BACE2: variants seen among roughly 807,000 people sequenced by gnomAD.
BACE2 encodes 56 kDa aspartic-like protease.
Under a neutral mutation model 46.2 loss-of-function variants are expected in BACE2, and 17 were observed. The observed-to-expected ratio is 0.37, with a 90% CI of 0.25 to 0.55. The LOEUF (loss-of-function observed/expected upper bound fraction) is 0.55, where lower values mean the gene tolerates loss of function less well. Ranked by LOEUF, BACE2 falls within the 20% of genes least tolerant of loss-of-function variation. BACE2 has a pLI of 0.82. For missense variants in BACE2, 595 were observed against 698.1 expected (o/e 0.85, Z 1.66); for synonymous variants, 277 against 295.9 (o/e 0.94, Z 0.66).
intron 2 of BACE2, among the ~76,000 whole-genome samples, chr21:41,230,541 C>G (rs747586715): frequency 1.3e-5 from 2 of 152,194 alleles, no homozygotes; most frequent in Non-Finnish European, 2.9e-5. Context: ...GCTCTCTGCC[C>G]TGTGATGTGT....
intron 5 of BACE2, among the ~76,000 whole-genome samples, chr21:41,245,376 G>C (rs141751364): frequency 3.7e-4 from 56 of 152,310 alleles, no homozygotes; most frequent in African/African-American, 1.3e-3. Context: ...GTTGGCCACT[G>C]GTGTCCATTC....
intron 1 of BACE2, among the ~76,000 whole-genome samples, chr21:41,221,596 A>G (rs747430572): frequency 3.9e-5 from 6 of 152,174 alleles, no homozygotes; most frequent in Non-Finnish European, 7.4e-5. Flanking sequence ...GAGGCCGCAG[A>G]GGGTGGATCA....
chr21:41,269,928 A>G (rs1236712231), intron 8 of BACE2, among the ~76,000 whole-genome samples: 1 of 152,220 alleles, frequency 6.6e-6, no homozygotes, highest in Non-Finnish European at 1.5e-5. Flanking sequence ...CTCATTTTCA[A>G]AGTTGGCTTT....
At chr21:41,214,521 T>A (rs1986396707) in intron 1 of BACE2, among the ~76,000 whole-genome samples, 1 of 152,194 alleles carries the variant, frequency 6.6e-6, no homozygotes, top group African/African-American at 2.4e-5. Context: ...GGCATAGAAT[T>A]TTCACACATC....
At chr21:41,216,176 C>T (rs542892116) in intron 1 of BACE2, among the ~76,000 whole-genome samples, 102 of 152,236 alleles carry the variant, frequency 6.7e-4, no homozygotes, top group Middle Eastern at 6.8e-3. Flanking sequence ...GAATTCAACA[C>T]GAGAAAGGTC....
At chr21:41,172,441 T>G (rs778560053) in intron 1 of BACE2, among the ~76,000 whole-genome samples, 39 of 152,176 alleles carry the variant, frequency 2.6e-4, no homozygotes, top group Non-Finnish European at 5.0e-4. Flanking sequence ...CTGGAAAATG[T>G]GCACAACAAT....
intron 1 of BACE2, among the ~76,000 whole-genome samples, chr21:41,188,063 G>C (rs1985440165): frequency 6.6e-6 from 1 of 152,182 alleles, no homozygotes; most frequent in South Asian, 2.1e-4. Context: ...CGTACATTTT[G>C]GTTTAACCCT....
rs1044893194 is a variant in BACE2 at position 41,277,320 on chromosome 21, C to T, written c.*1696C>T. Reference sequence around the variant, plus strand: ...GAAGACTCTCCAGCAGCCAGAAGAACCTTCTGTGCTGTTTTCACTAGAGAA... The same window carrying T: ...GAAGACTCTCCAGCAGCCAGAAGAATCTTCTGTGCTGTTTTCACTAGAGAA... On this transcript the variant is annotated 3_prime_UTR_variant, in exon 9 of 9. Coordinates refer to ENST00000330333, the MANE Select transcript of BACE2 (RefSeq NM_012105.5). The T allele has an allele frequency of 6.6e-6, 1 of 152,114 alleles. No individual in the cohort carries two copies. The highest frequency in any genetic ancestry group is 1.5e-5 in the Non-Finnish European group (1 of 68,038). 9.4% of individuals were successfully genotyped at this position (152,114 alleles called of 1,614,324 possible). A position where few individuals can be genotyped will look rare whatever the true frequency, so the allele number is the denominator to read the frequency against.
chr21:41,174,290 G>A (rs1232217989), intron 1 of BACE2, among the ~76,000 whole-genome samples: 1 of 151,824 alleles, frequency 6.6e-6, no homozygotes, highest in East Asian at 1.9e-4. Context: ...CTACAGGTGT[G>A]TGCCACGACA....
At position 41,201,596 on chromosome 21, in the gene BACE2, A is replaced by G. The variant is rs369892081; in HGVS notation, c.313-24670A>G. 7.9e-5 allele frequency among the ~76,000 whole-genome samples: 12 copies of G among 152,328 alleles called. No individual in the cohort carries two copies. The East Asian group carries it at 1.9e-3, about 25-fold the overall frequency. On this transcript the variant is annotated intron_variant, in intron 1 of 8. Transcript: ENST00000330333. The stretch of plus-strand genomic sequence containing the variant: ...AAACCTGGCAGGCTCCTCAGGGGAG[A>G]GAAGGTTTAAGATGGAGCAGCCAGC...
intron 2 of BACE2, chr21:41,230,006 G>C (rs1301678305): frequency 6.6e-6 from 1 of 152,244 alleles, no homozygotes; most frequent in Non-Finnish European, 1.5e-5. Context: ...CCCCTCAATG[G>C]TTGGTTTCAC....
At chr21:41,265,978 T>C (rs1201911972) in intron 8 of BACE2, among the ~76,000 whole-genome samples, 1 of 152,204 alleles carries the variant, frequency 6.6e-6, no homozygotes, top group Non-Finnish European at 1.5e-5. Flanking sequence ...CCCATTGTTA[T>C]AACATTTATC....
At position 41,170,369 on chromosome 21, in the gene BACE2, A is replaced by G. The variant is rs373624605; in HGVS notation, c.312+1794A>G. ...CGTAGCCAAGGCAGTAGTTGGTTCA[A>G]GATTACTTCTCAACCATTAGCATGT... On this transcript the variant is annotated intron_variant, in intron 1 of 8. Coordinates refer to ENST00000330333, the MANE Select transcript of BACE2 (RefSeq NM_012105.5). Among the ~76,000 whole-genome samples the G allele has an allele frequency of 3.6e-4, 55 of 152,322 alleles. No homozygotes were observed. The South Asian group carries it at 0.01, about 28-fold the overall frequency.
chr21:41,188,182 G>A (rs1002893128), intron 1 of BACE2, among the ~76,000 whole-genome samples: 8 of 152,130 alleles, frequency 5.3e-5, no homozygotes, highest in African/African-American at 1.9e-4. Flanking sequence ...TGTGGGCCGT[G>A]TTTATAGAGA....
At chr21:41,170,374 A>ACTTCT (rs1215209281) in intron 1 of BACE2, among the ~76,000 whole-genome samples, 1 of 152,210 alleles carries the variant, frequency 6.6e-6, no homozygotes, top group African/African-American at 2.4e-5. Flanking sequence ...GTTCAAGATT[A>ACTTCT]CTTCTCAACC....
chr21:41,248,849 C>T (rs956445035), intron 6 of BACE2, among the ~76,000 whole-genome samples: 3 of 152,164 alleles, frequency 2.0e-5, no homozygotes, highest in Non-Finnish European at 4.4e-5. Flanking sequence ...GTCTTGGCAG[C>T]GTTCTGTCCC....
In BACE2 at chr21:41,276,087, A is replaced by T. The variant is rs1257983804; in HGVS notation, c.*463A>T. 6.0e-6 allele frequency: 1 copy of T among 165,400 alleles called. No individual in the cohort carries two copies. Among genetic ancestry groups the T allele is most frequent in the Non-Finnish European group, 1.3e-5 (1 of 75,040 alleles). The allele number at this position is 165,400 out of a possible 1,614,324, so 10.2% of individuals were successfully genotyped here. A position where few individuals can be genotyped will look rare whatever the true frequency, so the allele number is the denominator to read the frequency against. On this transcript the variant is annotated 3_prime_UTR_variant, in exon 9 of 9. Transcript: ENST00000330333. Reference sequence around the variant, plus strand: ...ACCTCAACCTGGGTCAAAGTGGTACAGGAAGGCTTGCAGTATGATGGCAGG... The same window carrying T: ...ACCTCAACCTGGGTCAAAGTGGTACTGGAAGGCTTGCAGTATGATGGCAGG...
chr21:41,262,628 A>G (rs553675603), intron 8 of BACE2, among the ~76,000 whole-genome samples: 1 of 152,246 alleles, frequency 6.6e-6, no homozygotes, highest in African/African-American at 2.4e-5. Context: ...TCTTTACCAT[A>G]TCAAGTTTCC....
At chr21:41,253,603 C>T (rs1248829656) in intron 7 of BACE2, among the ~76,000 whole-genome samples, 2 of 152,032 alleles carry the variant, frequency 1.3e-5, no homozygotes, top group East Asian at 1.9e-4. Context: ...ACCAAGGACT[C>T]GTAAGAAGCA....
Sources: gnomAD v4.1 joint callset for allele counts (sites outside exome capture counted in the v4.1 genomes callset) on GRCh38, gnomAD v4.1.1 for gene constraint, MANE v1.5 for transcripts, NCBI Gene and HGNC (gene_info 2026-07-23, HGNC 2026-07-21) for gene names.